PHLDB1: variants seen among roughly 807,000 people sequenced by gnomAD.
The protein encoded by PHLDB1 is pleckstrin homology like domain family B member 1.
PHLDB1 carries 65 observed loss-of-function variants against 139.3 expected under a neutral mutation model. The ratio of observed to expected loss-of-function variants is 0.47; its 90% confidence interval spans 0.38 to 0.57. The LOEUF (loss-of-function observed/expected upper bound fraction) is 0.57, where lower values mean the gene tolerates loss of function less well. Ranked by LOEUF, PHLDB1 falls within the 20% of genes least tolerant of loss-of-function variation. The pLI is 0.00. For synonymous variants in PHLDB1, 679 were observed against 734.5 expected, an observed-to-expected ratio of 0.92 and a Z score of 1.22; for missense variants, 1,624 against 1,839.7, an observed-to-expected ratio of 0.88 and a Z score of 2.14.
Position 118,628,013 on chromosome 11 carries a change from C to T in PHLDB1, c.1190C>T (p.Thr397Ile), listed in dbSNP as rs146028056. Residue 397 changes from threonine (T) to isoleucine (I), a missense_variant, in exon 6 of 23, where the codon ACA becomes ATA. Thr to Ile is a moderately conservative substitution (Grantham distance 89, BLOSUM62 -1). Coordinates refer to ENST00000600882, the MANE Select transcript of PHLDB1 (RefSeq NM_001144758.3). Reference sequence around the variant, plus strand: ...CCTGCTCCCCGAAACAAGATTGGCACACTCCAGGACCGCCCTCCCAGCCCT... The same window carrying T: ...CCTGCTCCCCGAAACAAGATTGGCATACTCCAGGACCGCCCTCCCAGCCCT... ...PVPAPRNKIG[T>I]LQDRPPSPFR... 2 of 1,613,942 alleles carry T rather than the reference C, an allele frequency of 1.2e-6. No homozygotes were observed. The highest frequency in any genetic ancestry group is 1.1e-5 in the South Asian group (1 of 91,080).
chr11:118,630,318 A>G (rs1944590631), intron 6 of PHLDB1, among the ~76,000 whole-genome samples: 2 of 152,112 alleles, frequency 1.3e-5, no homozygotes, highest in Admixed American at 6.5e-5. Flanking sequence ...AGGTGACTGT[A>G]TCTGGGTGGG....
chr11:118,612,262 G>C (rs782511710), intron 1 of PHLDB1, among the ~76,000 whole-genome samples: 10 of 152,010 alleles, frequency 6.6e-5, no homozygotes, highest in Non-Finnish European at 1.0e-4. Flanking sequence ...AGAATTTAAG[G>C]CTTTATATAT....
chr11:118,629,172 G>T (rs1259462352), intron 6 of PHLDB1, among the ~76,000 whole-genome samples: 1 of 152,202 alleles, frequency 6.6e-6, no homozygotes, highest in Non-Finnish European at 1.5e-5. Context: ...CTTGTCTTTG[G>T]CCTCTACAAG....
At position 118,635,066 on chromosome 11, in the gene PHLDB1, C is replaced by G; in HGVS notation, c.2380-327C>G. The G allele has an allele frequency of 1.2e-5, 6 of 502,820 alleles. 1 individual carries two copies. The highest frequency in any genetic ancestry group is 1.0e-4 in the South Asian group (6 of 57,438). 31.1% of individuals were successfully genotyped at this position (502,820 alleles called of 1,614,324 possible). On this transcript the variant is annotated intron_variant, in intron 9 of 22. Transcript: ENST00000600882. ...AGCTGAGAAGGGTCAGTTCCACCGC[C>G]CCCCCTCCCCCGGCCCCGCGGGCCA...
At chr11:118,625,837 GTCT>G (rs1943758159) in intron 5 of PHLDB1, among the ~76,000 whole-genome samples, 1 of 152,182 alleles carries the variant, frequency 6.6e-6, no homozygotes, top group Non-Finnish European at 1.5e-5. Flanking sequence ...ATCCCACACA[GTCT>G]CCATAATTTT....
In PHLDB1 at chr11:118,608,471, C is replaced by T. The variant is rs1939527389; in HGVS notation, c.-22+772C>T. Among the ~76,000 whole-genome samples, 3 of 152,282 alleles carry T rather than the reference C, an allele frequency of 2.0e-5. No individual in the cohort carries two copies. The highest frequency in any genetic ancestry group is 1.3e-4 in the Admixed American group (2 of 15,310). Reference sequence around the variant, plus strand: ...GGGTAGGGGCGCCGGCGCAGGGTGGCCGAGTCGCCCGCTAGCGCTTCCGCC... The same window carrying T: ...GGGTAGGGGCGCCGGCGCAGGGTGGTCGAGTCGCCCGCTAGCGCTTCCGCC... On this transcript the variant is annotated intron_variant, in intron 1 of 22. Transcript: ENST00000600882. This position sits in a 1 kb window ranked among gnomAD's most constrained non-coding sequence, Gnocchi z 6.7.
chr11:118,630,027 G>GTTT, intron 6 of PHLDB1: 1 of 1,250,108 alleles, frequency 8.0e-7, no homozygotes, highest in Admixed American at 2.6e-5. Flanking sequence ...GCTCTGTTCC[G>GTTT]GTTTTTTTTT....
intron 1 of PHLDB1, among the ~76,000 whole-genome samples, chr11:118,609,917 G>T (rs1220416383): frequency 6.6e-6 from 1 of 151,498 alleles, no homozygotes; most frequent in Non-Finnish European, 1.5e-5. Flanking sequence ...CTCCATCCGC[G>T]CTCTCCCGGC....
intron 12 of PHLDB1, chr11:118,641,355 G>T (rs1419526761): frequency 1.1e-5 from 2 of 178,250 alleles, no homozygotes; most frequent in Middle Eastern, 2.5e-3. Flanking sequence ...GAGAAGGGCA[G>T]CCTGCATAAG....
Position 118,614,621 on chromosome 11 carries a change from C to G in PHLDB1, c.123C>G (p.His41Gln). 6.2e-7 allele frequency: 1 copy of G among 1,614,046 alleles called. No homozygotes were observed. The highest frequency in any genetic ancestry group is 1.7e-5 in the Admixed American group (1 of 60,018). ...KGLKVQTDKP[H>Q]LVSLGSGRLS... ...TGAAAGTGCAAACGGACAAACCCCA[C>G]CTGGTGAGCCTGGGCAGTGGGCGAC... Residue 41 changes from histidine (H) to glutamine (Q), a missense_variant, in exon 3 of 23, where the codon CAC (histidine) becomes CAG (glutamine). Coordinates refer to ENST00000600882, the MANE Select transcript of PHLDB1 (RefSeq NM_001144758.3).
intron 5 of PHLDB1, 101 bp downstream of exon 5, chr11:118,625,160 T>G: frequency 2.2e-6 from 3 of 1,355,168 alleles, no homozygotes; most frequent in Non-Finnish European, 3.0e-6. Flanking sequence ...GGCAAGACAA[T>G]ACCTAAGGTC....
intron 9 of PHLDB1, chr11:118,634,720 T>G: frequency 4.2e-6 from 1 of 238,114 alleles, no homozygotes; most frequent in South Asian, 3.7e-5. Flanking sequence ...TTTCTGCCCT[T>G]TTCTTTCTCC....
intron 4 of PHLDB1, among the ~76,000 whole-genome samples, chr11:118,618,498 T>A (rs1555091679): frequency 1.3e-5 from 2 of 152,118 alleles, no homozygotes; most frequent in Non-Finnish European, 1.5e-5. Context: ...TGTGTTTATG[T>A]AGCTCCGGAT....
chr11:118,613,450 G>A (rs1291567345), intron 1 of PHLDB1: 1 of 996,496 alleles, frequency 1.0e-6, no homozygotes, highest in Non-Finnish European at 1.2e-6. Flanking sequence ...CTCCCACTAA[G>A]GTAGATTTTC....
Position 118,622,488 on chromosome 11 carries a change from C to T in PHLDB1, c.356-2446C>T, listed in dbSNP as rs143166007. On this transcript the variant is annotated intron_variant, in intron 4 of 22. Transcript: ENST00000600882. ...AGCCCAGAGGCAGCATGGCCACACC[C>T]CCTTATGCCGGGGAGGGTGAAGGGC... Among the ~76,000 whole-genome samples, 777 of 152,348 alleles carry T rather than the reference C, an allele frequency of 5.1e-3. 13 individuals carry two copies. Among genetic ancestry groups the T allele is most frequent in the Admixed American group, 0.033 (512 of 15,310 alleles).
In PHLDB1 at chr11:118,627,776, G is replaced by T; in HGVS notation, c.953G>T (p.Gly318Val). The T allele has an allele frequency of 6.2e-7, 1 of 1,606,020 alleles. No homozygotes were observed. Among genetic ancestry groups the T allele is most frequent in the African/African-American group, 1.3e-5 (1 of 75,038 alleles). Residue 318 changes from glycine (G) to valine (V), a missense_variant, in exon 6 of 23, where the codon GGC (glycine) becomes GTC (valine). By Grantham distance (109) the Gly-to-Val change is moderately radical. Coordinates refer to ENST00000600882, the MANE Select transcript of PHLDB1 (RefSeq NM_001144758.3). ...SESPRLSRKGGHERPPSPGLR... is the reference protein window; with the variant it reads ...SESPRLSRKGVHERPPSPGLR... ...AGTCCTCGGCTGAGCAGGAAAGGGGGCCATGAGAGGCCTCCCAGCCCTGGC... is the reference window on the plus strand; with the variant it reads ...AGTCCTCGGCTGAGCAGGAAAGGGGTCCATGAGAGGCCTCCCAGCCCTGGC...
intron 20 of PHLDB1, chr11:118,654,371 G>A (rs1948732463): frequency 6.6e-6 from 1 of 152,160 alleles, no homozygotes; most frequent in East Asian, 1.9e-4. Context: ...TACACATCAA[G>A]GGAGTGTGCT....
chr11:118,628,878 C>T (rs1944321379), intron 6 of PHLDB1, among the ~76,000 whole-genome samples: 1 of 152,244 alleles, frequency 6.6e-6, no homozygotes, highest in East Asian at 1.9e-4. Flanking sequence ...GCTAATTTTG[C>T]ATTTATTCAA....
intron 4 of PHLDB1, chr11:118,624,073 T>C (rs11825621): frequency 0.05 from 7,612 of 152,164 alleles, 202 homozygotes; most frequent in Middle Eastern, 0.082. Context: ...CTAAGTTTTG[T>C]ATTTTGAGTA....
Sources: gnomAD v4.1 joint callset for allele counts (sites outside exome capture counted in the v4.1 genomes callset) on GRCh38, gnomAD v4.1.1 for gene constraint, Gnocchi (gnomAD v3.1) non-coding constraint, MANE v1.5 for transcripts, NCBI Gene and HGNC (gene_info 2026-07-23, HGNC 2026-07-21) for gene names.